Variants in CYP4F12 observed in about 807,000 individuals in gnomAD.
CYP4F12 encodes the protein cytochrome P450 4F12.
Under a neutral mutation model 56.5 loss-of-function variants are expected in CYP4F12, and 60 were observed. The ratio of observed to expected loss-of-function variants is 1.06; its 90% CI spans 0.86 to 1.32. The LOEUF is 1.32. CYP4F12 is among the 40% of genes most tolerant of loss of function. CYP4F12 has a pLI of 0.00. For synonymous variants in CYP4F12, 263 were observed against 264.9 expected, an observed-to-expected ratio of 0.99 and a Z score of 0.07; for missense variants, 711 against 683.5, an observed-to-expected ratio of 1.04 and a Z score of -0.45.
Position 15,685,209 on chromosome 19 carries a change from T to C in CYP4F12, c.1115+12T>C. 1 of 1,613,260 alleles carries C rather than the reference T, an allele frequency of 6.2e-7. No individual in the cohort carries two copies. The highest frequency in any genetic ancestry group is 1.3e-5 in the African/African-American group (1 of 75,050). On this transcript the variant is annotated intron_variant, in intron 9 of 12. Coordinates refer to ENST00000550308, the MANE Select transcript of CYP4F12 (RefSeq NM_023944.4). ...AAAGAGATTGAATGGTGAGTGCAAG[T>C]TCTTCTGGCCTGTTCCTGAGCCCAT...
chr19:15,690,022 G>A (rs2007801351), intron 9 of CYP4F12, among the ~76,000 whole-genome samples: 1 of 151,962 alleles, frequency 6.6e-6, no homozygotes, highest in Non-Finnish European at 1.5e-5. Context: ...ATGGGTGATG[G>A]GTGCACTAAA....
At position 15,684,899 on chromosome 19, in the gene CYP4F12, G is replaced by A; in HGVS notation, c.985+17G>A. The A allele has an allele frequency of 1.3e-6, 2 of 1,595,010 alleles. No homozygotes were observed. The highest frequency in any genetic ancestry group is 1.7e-6 in the Non-Finnish European group (2 of 1,169,906). ...TGTTTGGAGGTGAGGGTCCCAGTGT[G>A]GGACTACAGTGGAGACAGAGGTCCC... is the stretch of plus-strand genomic sequence containing the variant. On this transcript the variant is annotated intron_variant, in intron 8 of 12. Transcript: ENST00000550308.
intron 9 of CYP4F12, 152 bp from the exon 10 acceptor site, chr19:15,695,784 T>G: frequency 8.3e-7 from 1 of 1,208,236 alleles, no homozygotes; most frequent in Non-Finnish European, 1.1e-6. Flanking sequence ...TCTGCTTCTC[T>G]AATTGTTTTC....
intron 7 of CYP4F12, chr19:15,684,193 G>A (rs2007473835): frequency 6.4e-6 from 1 of 157,202 alleles, no homozygotes; most frequent in Admixed American, 6.3e-5. Context: ...AAATGCACAA[G>A]AATTTGCACC....
intron 9 of CYP4F12, among the ~76,000 whole-genome samples, chr19:15,691,934 A>AT (rs1161534789): frequency 6.6e-6 from 1 of 151,778 alleles, no homozygotes; most frequent in Non-Finnish European, 1.5e-5. Context: ...TTGCCAGACT[A>AT]TTTTTTCTTA....
chr19:15,683,564 T>C lies in CYP4F12; in HGVS notation c.719T>C (p.Leu240Pro). ...GTAGAGAAAAGAAGCCAGCATATCC[T>C]CCAGCACATGGACTTTCTGTATTAC... ...ALVEKRSQHI[L>P]QHMDFLYYLS... is the part of the protein sequence containing the mutation. Residue 240 changes from leucine (L) to proline (P), a missense_variant, in exon 7 of 13, where the codon CTC becomes CCC. Transcript: ENST00000550308. The C allele has an allele frequency of 1.2e-6, 2 of 1,614,080 alleles. No homozygotes were observed. The highest frequency in any genetic ancestry group is 1.7e-6 in the Non-Finnish European group (2 of 1,179,996).
At chr19:15,683,390 C>T (rs570239183) in intron 6 of CYP4F12, 103 bp from the exon 7 acceptor site, 4 of 1,250,642 alleles carry the variant, frequency 3.2e-6, no homozygotes, top group Admixed American at 2.4e-5. Flanking sequence ...TTTCTAGATA[C>T]TCAGTTTCCT....
At position 15,692,116 on chromosome 19, in the gene CYP4F12, G is replaced by A. The variant is rs190565139; in HGVS notation, c.1116-3820G>A. ...TGGGACTACAGGCACCCTCCACCACGCCTGGCTAATTCTTGTTTTAGGTAG... is the reference window on the plus strand; with the variant it reads ...TGGGACTACAGGCACCCTCCACCACACCTGGCTAATTCTTGTTTTAGGTAG... On this transcript the variant is annotated intron_variant, in intron 9 of 12. Coordinates refer to ENST00000550308, the MANE Select transcript of CYP4F12 (RefSeq NM_023944.4). Among the ~76,000 whole-genome samples the A allele has an allele frequency of 7.9e-5, 12 of 152,080 alleles. No homozygotes were observed. In the East Asian group the frequency reaches 9.7e-4, roughly 12 times the overall value.
chr19:15,696,767 G>C, intron 12 of CYP4F12, 141 bp from the exon 13 acceptor site: 1 of 1,205,512 alleles, frequency 8.3e-7, no homozygotes. Context: ...AGCCCACATG[G>C]GAGTCCCAGG....
intron 9 of CYP4F12, among the ~76,000 whole-genome samples, chr19:15,687,964 A>C (rs1297015109): frequency 1.3e-5 from 2 of 152,080 alleles, no homozygotes; most frequent in Non-Finnish European, 2.9e-5. Flanking sequence ...GTGGGGATGA[A>C]CTCCCTTGAC....
intron 9 of CYP4F12, among the ~76,000 whole-genome samples, chr19:15,686,136 C>T (rs10420354): frequency 0.11 from 16,809 of 152,156 alleles, 1,026 homozygotes; most frequent in Middle Eastern, 0.14. Context: ...AGAAGCATGG[C>T]TGGGAGTACA....
intron 9 of CYP4F12, among the ~76,000 whole-genome samples, chr19:15,687,649 C>T (rs1294992784): frequency 7.4e-6 from 1 of 134,938 alleles, no homozygotes; most frequent in Non-Finnish European, 1.6e-5. Context: ...TGTGAATCCT[C>T]AGAGTAAGAG....
In CYP4F12 at chr19:15,680,529, T is replaced by C. The variant is rs769032711; in HGVS notation, c.525+10T>C. 1 of 1,614,078 alleles carries C rather than the reference T, an allele frequency of 6.2e-7. No individual in the cohort carries two copies. On this transcript the variant is annotated intron_variant, in intron 5 of 12. Coordinates refer to ENST00000550308, the MANE Select transcript of CYP4F12 (RefSeq NM_023944.4). ...TGCAAACATCATGCTTGTGAGTCCC[T>C]TGAAGTCTGGGTCCCAGATGGAGTC...
At chr19:15,688,905 A>G (rs2007744896) in intron 9 of CYP4F12, among the ~76,000 whole-genome samples, 1 of 152,236 alleles carries the variant, frequency 6.6e-6, no homozygotes, top group South Asian at 2.1e-4. Flanking sequence ...GGACAGTCAC[A>G]TGTAGAAAAA....
At chr19:15,680,000 A>G (rs761718252) in intron 3 of CYP4F12, among the ~76,000 whole-genome samples, 5 of 152,166 alleles carry the variant, frequency 3.3e-5, no homozygotes, top group Middle Eastern at 3.2e-3. Context: ...GTTGGGATAT[A>G]TAGGAGCCAT....
intron 9 of CYP4F12, among the ~76,000 whole-genome samples, chr19:15,689,705 T>C (rs921077869): frequency 2.6e-5 from 4 of 152,186 alleles, no homozygotes; most frequent in African/African-American, 9.7e-5. Context: ...CCAACCTAAC[T>C]GCCCATTGAC....
chr19:15,684,907 A>G, intron 8 of CYP4F12, 25 bp downstream of exon 8: 1 of 1,586,242 alleles, frequency 6.3e-7, no homozygotes, highest in Non-Finnish European at 8.6e-7. Context: ...GTGGGACTAC[A>G]GTGGAGACAG....
rs566120802 is a variant in CYP4F12 at position 15,683,862 on chromosome 19, C to T, written c.918+99C>T. 1.9e-5 allele frequency: 27 copies of T among 1,428,290 alleles called. No homozygotes were observed. The East Asian group carries it at 6.0e-4, about 32-fold the overall frequency. 88.5% of individuals were successfully genotyped at this position (1,428,290 alleles called of 1,614,324 possible). A position where few individuals can be genotyped will look rare whatever the true frequency, so the allele number is the denominator to read the frequency against. ...TTTTGATCCAAAGGGCACTGGGAGCCATGGAAGATGCTTGAGAAAGGGAAG... is the reference window on the plus strand; with the variant it reads ...TTTTGATCCAAAGGGCACTGGGAGCTATGGAAGATGCTTGAGAAAGGGAAG... On this transcript the variant is annotated intron_variant, in intron 7 of 12. Transcript: ENST00000550308.
At position 15,685,347 on chromosome 19, in the gene CYP4F12, C is replaced by G. The variant is rs1022852452; in HGVS notation, c.1115+150C>G. 4.6e-6 allele frequency: 6 copies of G among 1,308,106 alleles called. No homozygotes were observed. In the East Asian group the frequency reaches 1.3e-4, roughly 27 times the overall value. 81.0% of individuals were successfully genotyped at this position (1,308,106 alleles called of 1,614,324 possible). ...ACCACAGGCAGGGCTTGATACCAAG[C>G]CTGGCTGTCAGGGGAAAAGTTGCAG... On this transcript the variant is annotated intron_variant, in intron 9 of 12. Coordinates refer to ENST00000550308, the MANE Select transcript of CYP4F12 (RefSeq NM_023944.4).
Sources: gnomAD v4.1 joint callset for allele counts (sites outside exome capture counted in the v4.1 genomes callset) on GRCh38, gnomAD v4.1.1 for gene constraint, MANE v1.5 for transcripts, NCBI Gene and HGNC (gene_info 2026-07-23, HGNC 2026-07-21) for gene names.